USP7: variants seen among roughly 807,000 people sequenced by gnomAD.
USP7 encodes the protein ubiquitin C-terminal hydrolase 7.
In USP7, 9 loss-of-function variants were observed where a neutral mutation model predicts 162.9. The ratio of observed to expected loss-of-function variants is 0.06; its 90% CI spans 0.03 to 0.10. The LOEUF is 0.10. Ranked by LOEUF, USP7 falls within the 10% of genes least tolerant of loss-of-function variation. The pLI, the probability that USP7 is intolerant of heterozygous loss-of-function variation, is 1.00. For missense variants in USP7, 715 were observed against 1,373.7 expected, an observed-to-expected ratio of 0.52 and a Z score of 7.58; for synonymous variants, 562 against 475.9, an observed-to-expected ratio of 1.18 and a Z score of -2.35.
chr16:8,948,365 T>A (rs1899384483), intron 1 of USP7, among the ~76,000 whole-genome samples: 1 of 152,070 alleles, frequency 6.6e-6, no homozygotes, highest in Non-Finnish European at 1.5e-5. Flanking sequence ...GGCATTTTTT[T>A]GTAGAGACGA....
At chr16:8,912,457 AAAAAAGAAAG>A (rs1363992603) in intron 10 of USP7, among the ~76,000 whole-genome samples, 2 of 151,838 alleles carry the variant, frequency 1.3e-5, no homozygotes, top group Non-Finnish European at 2.9e-5. Context: ...GTCAAAAAAA[AAAAAAGAAAG>A]AAAAAAGAAA....
chr16:8,963,262 C>T lies in USP7; in HGVS notation c.24G>A (p.Gln8=). Residue 8 remains glutamine (Q), a synonymous_variant, in exon 1 of 31, where the codon CAG becomes CAA. Coordinates refer to ENST00000344836, the MANE Select transcript of USP7 (RefSeq NM_003470.3). The stretch of plus-strand genomic sequence containing the variant: ...ACTGCTGCTCGCCCGCTTTCTGCTG[C>T]TGCTGCTGCTGCTGGTGGTTCATGT... MNHQQQQ[Q]QQKAGEQQLS... 4 of 1,362,452 alleles carry T rather than the reference C, an allele frequency of 2.9e-6. No individual in the cohort carries two copies. Among genetic ancestry groups the T allele is most frequent in the South Asian group, 1.4e-5 (1 of 71,034 alleles). 84.4% of individuals were successfully genotyped at this position (1,362,452 alleles called of 1,614,324 possible). A position where few individuals can be genotyped will look rare whatever the true frequency, so the allele number is the denominator to read the frequency against.
Position 8,895,161 on chromosome 16 carries a change from G to A in USP7, c.2920-11C>T, listed in dbSNP as rs776749401. 1.1e-5 allele frequency: 17 copies of A among 1,614,044 alleles called. No homozygotes were observed. Among genetic ancestry groups the A allele is most frequent in the Admixed American group, 5.0e-5 (3 of 60,006 alleles). On this transcript the variant is annotated splice_polypyrimidine_tract_variant and intron_variant, in intron 27 of 30. Coordinates refer to ENST00000344836, the MANE Select transcript of USP7 (RefSeq NM_003470.3). The stretch of plus-strand genomic sequence containing the variant: ...GTCCAAAGGGATTTCCTGGGGACAC[G>A]GACAACAGACACAGTTCTGTAAGTG...
intron 6 of USP7, 46 bp downstream of exon 6, chr16:8,918,985 G>A (rs774873948): frequency 3.8e-6 from 6 of 1,595,362 alleles, no homozygotes; most frequent in Middle Eastern, 2.2e-4. Flanking sequence ...TACCTGAGAA[G>A]AAAGGGTGAG....
intron 1 of USP7, among the ~76,000 whole-genome samples, chr16:8,947,636 A>G (rs991452173): frequency 5.3e-5 from 8 of 151,948 alleles, no homozygotes; most frequent in Non-Finnish European, 1.0e-4. Context: ...GTGTGCGCTT[A>G]TTTTTCAATC....
chr16:8,905,062 C>A, intron 14 of USP7, 125 bp downstream of exon 14: 2 of 1,208,646 alleles, frequency 1.7e-6, no homozygotes, highest in East Asian at 2.4e-5. Context: ...CTCATTTCTG[C>A]GCTGCTGTGA....
At position 8,963,779 on chromosome 16, in the gene USP7, C is replaced by G. The variant is rs1323501846; in HGVS notation, c.-494G>C. ...CGGGAGCGGCGGAGCGGGCGGGCGACGGGCCGGCCGCGTTCCGAGAGCCGC... is the reference window on the plus strand; with the variant it reads ...CGGGAGCGGCGGAGCGGGCGGGCGAGGGGCCGGCCGCGTTCCGAGAGCCGC... On this transcript the variant is annotated 5_prime_UTR_variant, in exon 1 of 31. Coordinates refer to ENST00000344836, the MANE Select transcript of USP7 (RefSeq NM_003470.3). 2.1e-5 allele frequency among the ~76,000 whole-genome samples: 3 copies of G among 144,710 alleles called. No individual in the cohort carries two copies. The highest frequency in any genetic ancestry group is 4.6e-5 in the Non-Finnish European group (3 of 65,304). The allele number at this position is 144,710 out of a possible 152,430, so 94.9% of individuals were successfully genotyped here.
At chr16:8,927,985 C>A (rs1898104861) in intron 2 of USP7, among the ~76,000 whole-genome samples, 2 of 152,210 alleles carry the variant, frequency 1.3e-5, no homozygotes, top group Admixed American at 1.3e-4. Context: ...TCACTACAAA[C>A]AATTAGCCAC....
At chr16:8,927,944 AGACCAGCCTGG>A (rs1898102523) in intron 2 of USP7, among the ~76,000 whole-genome samples, 2 of 152,274 alleles carry the variant, frequency 1.3e-5, no homozygotes. Flanking sequence ...AAGAAGTTCA[AGACCAGCCTGG>A]GTAACATAGT....
chr16:8,904,393 G>T (rs374276830), intron 15 of USP7, 42 bp downstream of exon 15: 3 of 1,606,220 alleles, frequency 1.9e-6, no homozygotes, highest in Non-Finnish European at 2.5e-6. Flanking sequence ...ATGGGTGCCC[G>T]GCTGCATGGT....
chr16:8,911,477 T>C (rs1027426593), intron 10 of USP7, among the ~76,000 whole-genome samples: 2 of 151,490 alleles, frequency 1.3e-5, no homozygotes, highest in African/African-American at 4.9e-5. Context: ...ATATCCAGAG[T>C]GTATGGAGAG....
intron 1 of USP7, among the ~76,000 whole-genome samples, chr16:8,960,742 A>G (rs1899974548): frequency 6.6e-6 from 1 of 152,202 alleles, no homozygotes. Context: ...CTGGCTTTTT[A>G]ACAGAAGTGT....
intron 11 of USP7, among the ~76,000 whole-genome samples, 185 bp from the exon 12 acceptor site, chr16:8,908,635 T>C (rs761550770): frequency 6.6e-6 from 1 of 150,660 alleles, no homozygotes; most frequent in African/African-American, 2.5e-5. Flanking sequence ...TGGGTCTCTT[T>C]GTTTATTAAA....
At position 8,905,347 on chromosome 16, in the gene USP7, C is replaced by T. The variant is rs1453885080; in HGVS notation, c.1429-16G>A. 1.2e-6 allele frequency: 2 copies of T among 1,613,048 alleles called. No homozygotes were observed. Among genetic ancestry groups the T allele is most frequent in the South Asian group, 1.1e-5 (1 of 91,068 alleles). On this transcript the variant is annotated splice_polypyrimidine_tract_variant and intron_variant, in intron 13 of 30. Coordinates refer to ENST00000344836, the MANE Select transcript of USP7 (RefSeq NM_003470.3). Reference sequence around the variant, plus strand: ...ATTTACACCACTGCAAGGAAAACAACACACACCAGCAGCGATCAAGCACTG... The same window carrying T: ...ATTTACACCACTGCAAGGAAAACAATACACACCAGCAGCGATCAAGCACTG...
chr16:8,946,053 C>CTG (rs1899259307), intron 1 of USP7, among the ~76,000 whole-genome samples: 1 of 152,128 alleles, frequency 6.6e-6, no homozygotes, highest in African/African-American at 2.4e-5. Context: ...GGTACAAAAG[C>CTG]AATTCAACGG....
At chr16:8,904,929 G>A (rs961926696) in intron 14 of USP7, among the ~76,000 whole-genome samples, 3 of 152,090 alleles carry the variant, frequency 2.0e-5, no homozygotes, top group Admixed American at 2.0e-4. Flanking sequence ...CCGAGATCGC[G>A]CCACTGCACT....
chr16:8,945,197 C>T (rs771770410), intron 1 of USP7, among the ~76,000 whole-genome samples: 1 of 151,868 alleles, frequency 6.6e-6, no homozygotes, highest in Non-Finnish European at 1.5e-5. Context: ...GCACTCCAGC[C>T]TGGGCAACAA....
intron 1 of USP7, among the ~76,000 whole-genome samples, chr16:8,943,489 A>G (rs1899139176): frequency 6.6e-6 from 1 of 152,100 alleles, no homozygotes; most frequent in African/African-American, 2.4e-5. Context: ...GATCTGTGAC[A>G]CACAAGAGCC....
At chr16:8,920,333 C>T (rs1236359105) in intron 5 of USP7, 26 bp downstream of exon 5, 4 of 1,583,844 alleles carry the variant, frequency 2.5e-6, no homozygotes, top group East Asian at 4.5e-5. Flanking sequence ...ACATTTTTAA[C>T]AGCACCTGAT....
Sources: allele counts gnomAD v4.1 joint callset (sites outside exome capture counted in the v4.1 genomes callset), GRCh38; gene constraint gnomAD v4.1.1; transcripts MANE v1.5; gene names NCBI Gene and HGNC (gene_info 2026-07-23, HGNC 2026-07-21).